The following DPP6 variants were observed in gnomAD, a reference collection of about 807,000 sequenced individuals.
The protein encoded by DPP6 is dipeptidyl peptidase like 6.
Under a neutral mutation model 122.6 loss-of-function variants are expected in DPP6, and 69 were observed. That is an observed-to-expected ratio of 0.56 (90% CI 0.46 to 0.69). The LOEUF is 0.69. Ranked by LOEUF, DPP6 falls within the 30% of genes least tolerant of loss-of-function variation. The probability of loss-of-function intolerance (pLI) is 0.00; values close to 1 mark genes in which losing one functional copy is unlikely to be tolerated. For missense variants in DPP6, 928 were observed against 1,116.9 expected (o/e 0.83, Z 2.41); for synonymous variants, 418 against 433.1 (o/e 0.97, Z 0.43).
Position 154,575,206 on chromosome 7 carries a change from G to A in DPP6, c.627+8290G>A, listed in dbSNP as rs1165342271. On this transcript the variant is annotated intron_variant, in intron 5 of 25. Transcript: ENST00000377770. ...TATGTGTGTGGTGTGTGTGGTGTCT[G>A]TGGTGTGTGTGTGGTGTGGTGTGTG... Among the ~76,000 whole-genome samples, 362 of 133,554 alleles carry A rather than the reference G, an allele frequency of 2.7e-3. 3 individuals are homozygous for A. The highest frequency in any genetic ancestry group is 9.7e-3 in the African/African-American group (345 of 35,556). 87.6% of individuals were successfully genotyped at this position (133,554 alleles called of 152,430 possible).
At chr7:154,603,719 TTTAC>T (rs1408461596) in intron 5 of DPP6, among the ~76,000 whole-genome samples, 1 of 116,742 alleles carries the variant, frequency 8.6e-6, no homozygotes, top group Non-Finnish European at 1.9e-5. Context: ...TCTTCTTTTA[TTTAC>T]TTATTTACTT....
At chr7:154,210,253 G>A (rs528297510) in intron 1 of DPP6, among the ~76,000 whole-genome samples, 43 of 152,242 alleles carry the variant, frequency 2.8e-4, no homozygotes, top group African/African-American at 8.7e-4. Flanking sequence ...GGACAGTCCT[G>A]CAGTCAATGG....
intron 6 of DPP6, among the ~76,000 whole-genome samples, chr7:154,647,962 T>C (rs559987603): frequency 1.3e-5 from 2 of 152,016 alleles, no homozygotes; most frequent in African/African-American, 4.8e-5. Context: ...ACACAATCAC[T>C]GAGCCTGGCC....
intron 8 of DPP6, among the ~76,000 whole-genome samples, chr7:154,735,754 A>C (rs1842543252): frequency 6.6e-6 from 1 of 152,254 alleles, no homozygotes; most frequent in South Asian, 2.1e-4. Context: ...TGCTTCTCTG[A>C]ACCTGTGAGA....
At chr7:154,494,583 G>T (rs1187511339) in intron 3 of DPP6, among the ~76,000 whole-genome samples, 1 of 151,824 alleles carries the variant, frequency 6.6e-6, no homozygotes, top group Non-Finnish European at 1.5e-5. Flanking sequence ...ATAAAACTCA[G>T]ATACCTAAAT....
chr7:154,567,251 C>T (rs1183058094), intron 5 of DPP6, among the ~76,000 whole-genome samples: 1 of 152,118 alleles, frequency 6.6e-6, no homozygotes, highest in Non-Finnish European at 1.5e-5. Context: ...TAGATTTTAT[C>T]CTAAGAACAA....
At chr7:153,969,913 C>T (rs116722056) in intron 1 of DPP6, among the ~76,000 whole-genome samples, 5,766 of 151,942 alleles carry the variant, frequency 0.038, 343 homozygotes, top group African/African-American at 0.13. Context: ...TCTAGAATTT[C>T]ATATAAATGG....
chr7:153,944,661 T>TG (rs369604985), intron 1 of DPP6, among the ~76,000 whole-genome samples: 18 of 108,368 alleles, frequency 1.7e-4, no homozygotes, highest in African/African-American at 5.5e-4. Context: ...TATTTTTGTG[T>TG]GGGTTTTTTT....
chr7:154,122,444 C>T lies in DPP6; in HGVS notation c.243+69381C>T, dbSNP rs577963959. Among the ~76,000 whole-genome samples, 136 of 152,294 alleles carry T rather than the reference C, an allele frequency of 8.9e-4. No individual in the cohort carries two copies. In the South Asian group the frequency reaches 0.015, roughly 17 times the overall value. On this transcript the variant is annotated intron_variant, in intron 1 of 25. Transcript: ENST00000377770. ...AAATGACTTATTTTAACAAGCATAC[C>T]TCCCATCTATTATATAAAATAAACC...
chr7:154,224,347 C>A (rs1408723358), intron 1 of DPP6, among the ~76,000 whole-genome samples: 1 of 148,524 alleles, frequency 6.7e-6, no homozygotes, highest in Non-Finnish European at 1.5e-5. Context: ...TCAAATAATA[C>A]AATAAAATAA....
the DPP6 span, among the ~76,000 whole-genome samples, chr7:153,873,286 A>C: frequency 2.6e-5 from 4 of 152,226 alleles, no homozygotes; most frequent in African/African-American, 4.8e-5. Context: ...CCTCTCATTA[A>C]GCCCCACCTC....
intron 5 of DPP6, among the ~76,000 whole-genome samples, chr7:154,636,211 T>C (rs1005054746): frequency 6.6e-6 from 1 of 152,180 alleles, no homozygotes; most frequent in Non-Finnish European, 1.5e-5. Flanking sequence ...ATATACCATA[T>C]ACCATAACCA....
chr7:154,064,749 G>T (rs1290924945), intron 1 of DPP6, among the ~76,000 whole-genome samples: 9 of 152,170 alleles, frequency 5.9e-5, no homozygotes, highest in Admixed American at 2.0e-4. Flanking sequence ...GAGGAAGACA[G>T]AGGCATGCTC....
intron 21 of DPP6, 181 bp downstream of exon 21, chr7:154,881,123 C>T: frequency 9.3e-7 from 1 of 1,074,518 alleles, no homozygotes; most frequent in Non-Finnish European, 1.2e-6. Context: ...TTGATCAGCT[C>T]ATTTTCCTAA....
At chr7:154,188,409 A>T (rs2150760087) in intron 1 of DPP6, among the ~76,000 whole-genome samples, 1 of 152,334 alleles carries the variant, frequency 6.6e-6, no homozygotes, top group Non-Finnish European at 1.5e-5. Flanking sequence ...AATAAGACAT[A>T]GTCCTTATCT....
chr7:154,809,771 G>A (rs1044741443), intron 16 of DPP6, among the ~76,000 whole-genome samples: 7 of 152,178 alleles, frequency 4.6e-5, no homozygotes, highest in Admixed American at 6.5e-5. Flanking sequence ...AGTTTAAATC[G>A]TGGTTTGAGG....
intron 1 of DPP6, among the ~76,000 whole-genome samples, chr7:154,407,285 T>C (rs761903027): frequency 2.6e-5 from 4 of 152,238 alleles, no homozygotes; most frequent in Non-Finnish European, 4.4e-5. Flanking sequence ...TGTATAACTC[T>C]TCTGCAGCTA....
At chr7:154,769,233 T>C (rs1796089445) in intron 8 of DPP6, among the ~76,000 whole-genome samples, 184 bp from the exon 9 acceptor site, 1 of 152,158 alleles carries the variant, frequency 6.6e-6, no homozygotes, top group African/African-American at 2.4e-5. Flanking sequence ...GCATCAGACA[T>C]TTCTTGAGCC....
chr7:154,656,680 T>C (rs1837275085), intron 6 of DPP6, among the ~76,000 whole-genome samples: 2 of 151,730 alleles, frequency 1.3e-5, no homozygotes, highest in African/African-American at 4.9e-5. Context: ...GGCGTTGGGC[T>C]GATGATGGGT....
Sources: gnomAD v4.1 joint callset for allele counts (sites outside exome capture counted in the v4.1 genomes callset) on GRCh38, gnomAD v4.1.1 for gene constraint, MANE v1.5 for transcripts, NCBI Gene and HGNC (gene_info 2026-07-23, HGNC 2026-07-21) for gene names.